Variants in PBX4 observed in about 807,000 individuals in gnomAD.
PBX4 encodes the protein PBX homeobox 4.
A neutral mutation model predicts 35.1 loss-of-function variants in PBX4; 26 were observed. The observed-to-expected ratio is 0.74, with a 90% CI of 0.54 to 1.03. PBX4 has a LOEUF of 1.03. Among genes scored for constraint, PBX4 ranks in the 50% least tolerant of loss-of-function variants. The probability of loss-of-function intolerance (pLI) is 0.00; values close to 1 mark genes in which losing one functional copy is unlikely to be tolerated. For missense variants in PBX4, 448 were observed against 504.3 expected, an observed-to-expected ratio of 0.89 and a Z score of 1.07; for synonymous variants, 199 against 204.2, an observed-to-expected ratio of 0.97 and a Z score of 0.22.
intron 2 of PBX4, among the ~76,000 whole-genome samples, chr19:19,582,547 C>G (rs1568385809): frequency 6.6e-6 from 1 of 152,152 alleles, no homozygotes; most frequent in South Asian, 2.1e-4. Context: ...AATCCAACCC[C>G]CTTTGGGCCC....
At chr19:19,565,906 C>A (rs965581159) in intron 5 of PBX4, among the ~76,000 whole-genome samples, 1 of 151,836 alleles carries the variant, frequency 6.6e-6, no homozygotes, top group Non-Finnish European at 1.5e-5. Flanking sequence ...CAGAGTGAGA[C>A]CCTGTCTCAG....
In PBX4 at chr19:19,615,521, A is replaced by G. The variant is rs2061684629; in HGVS notation, c.119+2990T>C. Among the ~76,000 whole-genome samples, 4 of 152,188 alleles carry G rather than the reference A, an allele frequency of 2.6e-5. No individual in the cohort carries two copies. The South Asian group carries it at 8.3e-4, about 31-fold the overall frequency. The stretch of plus-strand genomic sequence containing the variant: ...TGAACTTGAGAGCAGGAAGAACTTG[A>G]GAGCTATGCCAGAACCCAGTTCAGT... On this transcript the variant is annotated intron_variant, in intron 1 of 7. Coordinates refer to ENST00000251203, the MANE Select transcript of PBX4 (RefSeq NM_025245.3).
intron 1 of PBX4, among the ~76,000 whole-genome samples, chr19:19,602,773 G>A (rs955588838): frequency 6.6e-6 from 1 of 151,730 alleles, no homozygotes; most frequent in Non-Finnish European, 1.5e-5. Context: ...TGTGGGGCTT[G>A]GAGTGACTGC....
At chr19:19,565,224 T>C (rs374446595) in intron 5 of PBX4, 135 bp from the exon 6 acceptor site, 3 of 1,109,130 alleles carry the variant, frequency 2.7e-6, no homozygotes, top group South Asian at 1.4e-5. Context: ...CTATGAAGAG[T>C]CTGGGACTGA....
Position 19,580,097 on chromosome 19 carries a change from C to CA in PBX4, c.194-9265dup, listed in dbSNP as rs1191526588. The CA allele has an allele frequency of 7.9e-5, 12 of 152,366 alleles. No homozygotes were observed. The East Asian group carries it at 2.3e-3, about 29-fold the overall frequency. The allele number at this position is 152,366 out of a possible 1,614,324, so 9.4% of individuals were successfully genotyped here. On this transcript the variant is annotated intron_variant, in intron 2 of 7. Coordinates refer to ENST00000251203, the MANE Select transcript of PBX4 (RefSeq NM_025245.3). ...AAGCCTAGTGCGCCGACCTGAGTTG[C>CA]AATGAGTACCTATAGTCACAGCTTG...
At chr19:19,572,070 C>CTTTTTTTTTTTTTTTTTTT (rs1249792389) in intron 2 of PBX4, among the ~76,000 whole-genome samples, 1 of 69,112 alleles carries the variant, frequency 1.4e-5, no homozygotes, top group Non-Finnish European at 2.6e-5. Context: ...TAGAATCAGG[C>CTTTTTTTTTTTTTTTTTTT]TTTTTTTTTT....
chr19:19,601,356 G>C (rs1300256915), intron 1 of PBX4, among the ~76,000 whole-genome samples: 1 of 152,194 alleles, frequency 6.6e-6, no homozygotes, highest in Non-Finnish European at 1.5e-5. Context: ...GGGTGAGGGA[G>C]AGAGCTACGA....
At chr19:19,604,747 C>T (rs1307460654) in intron 1 of PBX4, among the ~76,000 whole-genome samples, 1 of 151,860 alleles carries the variant, frequency 6.6e-6, no homozygotes, top group African/African-American at 2.4e-5. Flanking sequence ...ACTATAGGCG[C>T]GTGCCACCAC....
At chr19:19,566,757 G>A (rs1430144926) in intron 5 of PBX4, among the ~76,000 whole-genome samples, 1 of 141,368 alleles carries the variant, frequency 7.1e-6, no homozygotes, top group Non-Finnish European at 1.5e-5. Context: ...AGGCTGGAGT[G>A]TGGAGTGCAG....
intron 2 of PBX4, among the ~76,000 whole-genome samples, chr19:19,596,471 CGTGT>C (rs967178058): frequency 2.0e-5 from 3 of 152,044 alleles, no homozygotes; most frequent in East Asian, 1.9e-4. Context: ...TGTGTGCGCA[CGTGT>C]GTGTGTGTAC....
At chr19:19,575,843 T>C (rs2061416309) in intron 2 of PBX4, among the ~76,000 whole-genome samples, 1 of 152,086 alleles carries the variant, frequency 6.6e-6, no homozygotes, top group Non-Finnish European at 1.5e-5. Context: ...TGAGCACCCA[T>C]GGAGGTCGCG....
rs374485381 is a variant in PBX4, at chr19:19,563,581, C to T, written c.960G>A (p.Gly320=). The T allele has an allele frequency of 2.6e-6, 4 of 1,550,188 alleles. No homozygotes were observed. Among genetic ancestry groups the T allele is most frequent in the South Asian group, 1.2e-5 (1 of 84,046 alleles). The change falls in exon 7 of 8, where the codon GGG becomes GGA. Residue 320 remains glycine, a synonymous_variant. Coordinates refer to ENST00000251203, the MANE Select transcript of PBX4 (RefSeq NM_025245.3). The surrounding 1 kb of genome is among the most constrained non-coding windows in gnomAD (Gnocchi z 5.1). ...GAGTCCGCAGGGTGAGGAAGGCGTC[C>T]CCAGCGCTGGGCAGCGGGAAGGGTC... is the stretch of plus-strand genomic sequence containing the variant. ...SSGPFPLPSA[G]DAFLTLRTLA...
Position 19,563,037 on chromosome 19 carries a change from T to C in PBX4, c.1032+472A>G, listed in dbSNP as rs950795117. Reference sequence around the variant, plus strand: ...CACCACACACACAGCCTCGTGCCTGTGCTGGGCACATGACACCTGGGCCTC... The same window carrying C: ...CACCACACACACAGCCTCGTGCCTGCGCTGGGCACATGACACCTGGGCCTC... On this transcript the variant is annotated intron_variant, in intron 7 of 7. Coordinates refer to ENST00000251203, the MANE Select transcript of PBX4 (RefSeq NM_025245.3). This position sits in a 1 kb window ranked among gnomAD's most constrained non-coding sequence, Gnocchi z 5.1. 4.6e-5 allele frequency among the ~76,000 whole-genome samples: 7 copies of C among 152,170 alleles called. No individual in the cohort carries two copies. Among genetic ancestry groups the C allele is most frequent in the Non-Finnish European group, 7.4e-5 (5 of 68,010 alleles).
At chr19:19,597,087 G>C (rs989424021) in intron 2 of PBX4, among the ~76,000 whole-genome samples, 1 of 152,000 alleles carries the variant, frequency 6.6e-6, no homozygotes, top group African/African-American at 2.4e-5. Flanking sequence ...GGTGGCAGGC[G>C]CCTGTAATCC....
rs139255649 is a variant in PBX4 at position 19,584,700 on chromosome 19, A to C, written c.194-13867T>G. ...GAGTGCAGTGGCACAATCTCGGCTC[A>C]CGGCAACCTCCACCTCCAGGGTTCA... is the stretch of plus-strand genomic sequence containing the variant. On this transcript the variant is annotated intron_variant, in intron 2 of 7. Coordinates refer to ENST00000251203, the MANE Select transcript of PBX4 (RefSeq NM_025245.3). Among the ~76,000 whole-genome samples, 58 of 144,544 alleles carry C rather than the reference A, an allele frequency of 4.0e-4. 3 individuals are homozygous for C. In the East Asian group the frequency reaches 0.011, roughly 29 times the overall value. The allele number at this position is 144,544 out of a possible 152,430, so 94.8% of individuals were successfully genotyped here. A position where few individuals can be genotyped will look rare whatever the true frequency, so the allele number is the denominator to read the frequency against.
intron 1 of PBX4, among the ~76,000 whole-genome samples, chr19:19,613,236 TG>T (rs1343982741): frequency 6.7e-6 from 1 of 149,670 alleles, no homozygotes; most frequent in Admixed American, 6.7e-5. Flanking sequence ...GAGGCCGAGG[TG>T]GGAGGATCAC....
intron 1 of PBX4, among the ~76,000 whole-genome samples, chr19:19,608,945 C>T (rs1380768161): frequency 6.6e-6 from 1 of 152,224 alleles, no homozygotes; most frequent in Non-Finnish European, 1.5e-5. Flanking sequence ...GAACTCACTG[C>T]TGCATTCCCA....
At chr19:19,599,607 G>T (rs1380540492) in intron 1 of PBX4, among the ~76,000 whole-genome samples, 1 of 152,186 alleles carries the variant, frequency 6.6e-6, no homozygotes. Flanking sequence ...GGAGGTCGAG[G>T]CAGGTGGATC....
chr19:19,563,423 C>T lies in PBX4; in HGVS notation c.1032+86G>A. 2 of 1,149,348 alleles carry T rather than the reference C, an allele frequency of 1.7e-6. No homozygotes were observed. The highest frequency in any genetic ancestry group is 2.6e-5 in the East Asian group (1 of 37,848). 71.2% of individuals were successfully genotyped at this position (1,149,348 alleles called of 1,614,324 possible). ...TGCTGGGACCTCTGGGGAAGCTGCCCCAAGGCCGAGGGGTGGCTGACAAGA... is the reference window on the plus strand; with the variant it reads ...TGCTGGGACCTCTGGGGAAGCTGCCTCAAGGCCGAGGGGTGGCTGACAAGA... On this transcript the variant is annotated intron_variant, in intron 7 of 7. Transcript: ENST00000251203. The surrounding 1 kb of genome is among the most constrained non-coding windows in gnomAD (Gnocchi z 5.1).
Sources: allele counts gnomAD v4.1 joint callset (sites outside exome capture counted in the v4.1 genomes callset), GRCh38; gene constraint gnomAD v4.1.1; non-coding constraint Gnocchi (gnomAD v3.1); transcripts MANE v1.5; gene names NCBI Gene and HGNC (gene_info 2026-07-23, HGNC 2026-07-21).